SH2B1: variants seen among roughly 807,000 people sequenced by gnomAD.
The protein encoded by SH2B1 is SH2B adaptor protein 1.
A neutral mutation model predicts 62.6 loss-of-function variants in SH2B1; 15 were observed. The ratio of observed to expected loss-of-function variants is 0.24; its 90% CI spans 0.16 to 0.37. The LOEUF is 0.37. Ranked by LOEUF, SH2B1 falls within the 10% of genes least tolerant of loss-of-function variation. The probability of loss-of-function intolerance (pLI) is 1.00; values close to 1 mark genes in which losing one functional copy is unlikely to be tolerated. For missense variants in SH2B1, 925 were observed against 1,015.6 expected (o/e 0.91, Z 1.21); for synonymous variants, 443 against 438.0 (o/e 1.01, Z -0.14).
At chr16:28,846,667 C>A, upstream of SH2B1, 1 of 206,798 alleles carries the variant, frequency 4.8e-6, no homozygotes, top group Admixed American at 5.3e-5. Context: ...GCGGGCTAGG[C>A]CGGACCCGGA....
intron 4 of SH2B1, among the ~76,000 whole-genome samples, chr16:28,870,533 G>A (rs527359071): frequency 1.3e-5 from 2 of 152,278 alleles, no homozygotes; most frequent in South Asian, 4.1e-4. Flanking sequence ...TACAAGGTAA[G>A]GTAAAGCTCA....
rs1244198869 is a variant in SH2B1 at position 28,869,061 on chromosome 16, C to T, written c.1097C>T (p.Ala366Val). ...METVDAQHVK[A>V]WVSDIQECLS... is the part of the protein sequence containing the mutation. Reference sequence around the variant, plus strand: ...ACAGTGGATGCCCAGCATGTGAAGGCCTGGGTGTCTGACATCCAAGAATGC... The same window carrying T: ...ACAGTGGATGCCCAGCATGTGAAGGTCTGGGTGTCTGACATCCAAGAATGC... Residue 366 changes from alanine (A) to valine (V), a missense_variant, in exon 3 of 8, where the codon GCC (alanine) becomes GTC (valine). Physicochemically the swap from Ala to Val is moderately conservative, Grantham distance 64. Coordinates refer to ENST00000684370, the MANE Select transcript of SH2B1 (RefSeq NM_001387430.1). 6.2e-7 allele frequency: 1 copy of T among 1,614,142 alleles called. No individual in the cohort carries two copies. Among genetic ancestry groups the T allele is most frequent in the Non-Finnish European group, 8.5e-7 (1 of 1,179,996 alleles).
chr16:28,867,216 A>G, intron 1 of SH2B1, 115 bp from the exon 2 acceptor site: 1 of 1,206,228 alleles, frequency 8.3e-7, no homozygotes, highest in East Asian at 2.3e-5. Context: ...AAGCAGTGTG[A>G]CTGCCTTTTG....
chr16:28,874,166 A>G lies in SH2B1; in HGVS notation c.*346A>G. 1 of 233,298 alleles carries G rather than the reference A, an allele frequency of 4.3e-6. No individual in the cohort carries two copies. The highest frequency in any genetic ancestry group is 8.2e-5 in the East Asian group (1 of 12,192). The allele number at this position is 233,298 out of a possible 1,614,324, so 14.5% of individuals were successfully genotyped here. On this transcript the variant is annotated 3_prime_UTR_variant, in exon 8 of 8. Coordinates refer to ENST00000684370, the MANE Select transcript of SH2B1 (RefSeq NM_001387430.1). Reference sequence around the variant, plus strand: ...GGTTGTTGTTGTTGTTTTAAACAAAATGGAGAAGCATAAATAAATAAAAAG... The same window carrying G: ...GGTTGTTGTTGTTGTTTTAAACAAAGTGGAGAAGCATAAATAAATAAAAAG...
At chr16:28,853,311 A>G (rs1333131570) in intron 1 of SH2B1, among the ~76,000 whole-genome samples, 1 of 148,476 alleles carries the variant, frequency 6.7e-6, no homozygotes, top group Non-Finnish European at 1.5e-5. Context: ...GGTTGAAGCA[A>G]TTCTGCCTCA....
chr16:28,864,191 G>A lies in SH2B1; in HGVS notation c.-1904G>A, dbSNP rs1301481992. The A allele has an allele frequency of 1.2e-5, 13 of 1,054,956 alleles. No individual in the cohort carries two copies. Among genetic ancestry groups the A allele is most frequent in the Non-Finnish European group, 1.5e-5 (13 of 872,530 alleles). The allele number at this position is 1,054,956 out of a possible 1,614,324, so 65.3% of individuals were successfully genotyped here. A position where few individuals can be genotyped will look rare whatever the true frequency, so the allele number is the denominator to read the frequency against. On this transcript the variant is annotated 5_prime_UTR_variant, in exon 1 of 8. Transcript: ENST00000684370. The stretch of plus-strand genomic sequence containing the variant: ...AGTATATGGACCACCGGGCCCGGAG[G>A]GTCCGAGCCGAGAGCGGAGCCTGCA...
intron 1 of SH2B1, among the ~76,000 whole-genome samples, chr16:28,849,796 G>T (rs985592730): frequency 6.6e-6 from 1 of 152,076 alleles, no homozygotes; most frequent in Non-Finnish European, 1.5e-5. Flanking sequence ...CATGGTGCAC[G>T]CCTGTAGTCT....
chr16:28,870,514 A>G (rs1962968728), intron 4 of SH2B1, among the ~76,000 whole-genome samples: 1 of 152,150 alleles, frequency 6.6e-6, no homozygotes, highest in Non-Finnish European at 1.5e-5. Context: ...AAAGTGGAAG[A>G]GACATGAATA....
At position 28,851,021 on chromosome 16, in the gene SH2B1, A is replaced by C. The variant is rs930388844; in HGVS notation, c.-301+4194A>C. On this transcript the variant is annotated intron_variant, in intron 1 of 10. Transcript: ENST00000322610. Reference sequence around the variant, plus strand: ...AACCCGTCTCTACTAAAAAAATACAAAAATTAGCTGGGCATGGTGGCGCTT... The same window carrying C: ...AACCCGTCTCTACTAAAAAAATACACAAATTAGCTGGGCATGGTGGCGCTT... Among the ~76,000 whole-genome samples, 3 of 150,688 alleles carry C rather than the reference A, an allele frequency of 2.0e-5. No individual in the cohort carries two copies. The Admixed American group carries it at 2.0e-4, about 10-fold the overall frequency.
chr16:28,853,427 A>G (rs1962253024), intron 1 of SH2B1, among the ~76,000 whole-genome samples: 1 of 148,534 alleles, frequency 6.7e-6, no homozygotes, highest in South Asian at 2.1e-4. Flanking sequence ...CTGGTCTCGA[A>G]CTCCTGACCT....
At chr16:28,857,601 A>AAG (rs1362712545) in intron 1 of SH2B1, among the ~76,000 whole-genome samples, 1 of 152,160 alleles carries the variant, frequency 6.6e-6, no homozygotes, top group Non-Finnish European at 1.5e-5. Context: ...CCAGCCAATG[A>AAG]AGAGACACAC....
intron 1 of SH2B1, among the ~76,000 whole-genome samples, chr16:28,855,830 G>GTTTTTTTTTTTTTT (rs1567460763): frequency 8.3e-6 from 1 of 120,380 alleles, no homozygotes; most frequent in Non-Finnish European, 1.7e-5. Context: ...TTTTTTTTTG[G>GTTTTTTTTTTTTTT]ATTTTTAGTA....
chr16:28,859,878 C>T (rs559191928), upstream of SH2B1, among the ~76,000 whole-genome samples: 788 of 114,828 alleles, frequency 6.9e-3, 11 homozygotes, highest in Non-Finnish European at 9.5e-3. Context: ...ACCCCCCCCC[C>T]CCGGCTGTTT....
intron 1 of SH2B1, among the ~76,000 whole-genome samples, chr16:28,853,015 TATATATGTACA>T (rs1469096423): frequency 2.9e-5 from 1 of 34,412 alleles, no homozygotes; most frequent in African/African-American, 1.5e-4. Context: ...CATATATATT[TATATATGTACA>T]TATATATGTA....
At chr16:28,852,924 A>T (rs1258892055) in intron 1 of SH2B1, among the ~76,000 whole-genome samples, 5 of 47,446 alleles carry the variant, frequency 1.1e-4, no homozygotes, top group Non-Finnish European at 2.1e-4. Flanking sequence ...ACATATATAT[A>T]TTTTTATATA....
At position 28,852,828 on chromosome 16, in the gene SH2B1, TTATATA is replaced by T. The variant is rs369086070; in HGVS notation, c.-301+6008_-301+6013del. On this transcript the variant is annotated intron_variant, in intron 1 of 10. Transcript: ENST00000322610. ...TATTTACATATATTTACATATATAT[TTATATA>T]TATATACATATATATATTTTTATAT... 3.1e-4 allele frequency among the ~76,000 whole-genome samples: 18 copies of T among 58,632 alleles called. 1 individual carries two copies. Among genetic ancestry groups the T allele is most frequent in the Non-Finnish European group, 4.9e-4 (17 of 34,454 alleles). The allele number at this position is 58,632 out of a possible 152,430, so 38.5% of individuals were successfully genotyped here. A position where few individuals can be genotyped will look rare whatever the true frequency, so the allele number is the denominator to read the frequency against.
chr16:28,863,431 G>A, upstream of SH2B1: 4 of 441,936 alleles, frequency 9.1e-6, no homozygotes, highest in Non-Finnish European at 1.6e-5. Context: ...CGTTGTCCGC[G>A]TGCCCCTCCA....
At chr16:28,871,153 G>C (rs759520529) in intron 4 of SH2B1, among the ~76,000 whole-genome samples, 2 of 152,076 alleles carry the variant, frequency 1.3e-5, no homozygotes, top group Non-Finnish European at 2.9e-5. Context: ...AGGTAGCTAG[G>C]ATTACAGGTG....
In SH2B1 at chr16:28,848,293, C is replaced by G. The variant is rs1027243811; in HGVS notation, c.-301+1466C>G. Among the ~76,000 whole-genome samples the G allele has an allele frequency of 5.9e-5, 9 of 152,112 alleles. 1 individual carries two copies. Among genetic ancestry groups the G allele is most frequent in the Non-Finnish European group, 1.3e-4 (9 of 68,034 alleles). On this transcript the variant is annotated intron_variant, in intron 1 of 10. Transcript: ENST00000322610. Reference sequence around the variant, plus strand: ...TCTCTACTAAAATACAAAAAATTAGCTGGGCGTGGCAGTGTGCACCTGTAG... The same window carrying G: ...TCTCTACTAAAATACAAAAAATTAGGTGGGCGTGGCAGTGTGCACCTGTAG...
Sources: gnomAD v4.1 joint callset for allele counts (sites outside exome capture counted in the v4.1 genomes callset) on GRCh38, gnomAD v4.1.1 for gene constraint, MANE v1.5 for transcripts, NCBI Gene and HGNC (gene_info 2026-07-23, HGNC 2026-07-21) for gene names.